Variants in ESRRG observed in about 807,000 individuals in gnomAD.
The protein encoded by ESRRG is estrogen related receptor gamma, also known as estrogen-related receptor gamma.
A neutral mutation model predicts 44.0 loss-of-function variants in ESRRG; 13 were observed. That is an observed-to-expected ratio of 0.30 (90% CI 0.19 to 0.47). The LOEUF is 0.47. Ranked by LOEUF, ESRRG falls within the 20% of genes least tolerant of loss-of-function variation. ESRRG has a pLI of 1.00. For synonymous variants in ESRRG, 215 were observed against 214.6 expected, an observed-to-expected ratio of 1.00 and a Z score of -0.02; for missense variants, 395 against 580.6, an observed-to-expected ratio of 0.68 and a Z score of 3.29.
intron 1 of ESRRG, among the ~76,000 whole-genome samples, chr1:216,952,127 C>T (rs982820433): frequency 2.6e-5 from 4 of 152,128 alleles, no homozygotes; most frequent in Non-Finnish European, 5.9e-5. Flanking sequence ...CCAACACCCC[C>T]ACTGGTCTTT....
intron 2 of ESRRG, among the ~76,000 whole-genome samples, chr1:216,897,293 C>A (rs1331196380): frequency 6.6e-6 from 1 of 152,048 alleles, no homozygotes; most frequent in Non-Finnish European, 1.5e-5. Context: ...CTTAGTTGAC[C>A]TTTTTTGGGT....
chr1:216,852,432 G>C (rs144131372), intron 2 of ESRRG, among the ~76,000 whole-genome samples: 1 of 152,252 alleles, frequency 6.6e-6, no homozygotes, highest in Non-Finnish European at 1.5e-5. Flanking sequence ...AAAGAGCTCT[G>C]ATATAATTGC....
intron 1 of ESRRG, among the ~76,000 whole-genome samples, chr1:216,695,950 C>T (rs1303877192): frequency 6.6e-6 from 1 of 152,064 alleles, no homozygotes; most frequent in East Asian, 1.9e-4. Context: ...ATGAGAACAT[C>T]CTAAAGTGTA....
intron 2 of ESRRG, among the ~76,000 whole-genome samples, chr1:216,740,671 G>T (rs61819768): frequency 0.013 from 1,920 of 151,520 alleles, 19 homozygotes; most frequent in Middle Eastern, 0.027. Flanking sequence ...GAAAGAAATT[G>T]TAACCCTGCC....
At chr1:217,090,126 C>G (rs570059836), upstream of ESRRG, among the ~76,000 whole-genome samples, 1 of 152,064 alleles carries the variant, frequency 6.6e-6, no homozygotes, top group South Asian at 2.1e-4. Context: ...TGTGCATATG[C>G]GTGTGATTTT....
At chr1:216,615,385 C>T (rs1328163460) in intron 3 of ESRRG, among the ~76,000 whole-genome samples, 4 of 152,212 alleles carry the variant, frequency 2.6e-5, no homozygotes, top group African/African-American at 9.6e-5. Context: ...GGAGCTCATT[C>T]TGTAGGTTAG....
chr1:216,805,703 CTCTG>C (rs1211437994), intron 2 of ESRRG, among the ~76,000 whole-genome samples: 1 of 150,592 alleles, frequency 6.6e-6, no homozygotes, highest in Non-Finnish European at 1.5e-5. Context: ...TTTGCTGAAT[CTCTG>C]TCTGTTAGAA....
At chr1:216,917,150 T>C (rs1441872903) in intron 2 of ESRRG, among the ~76,000 whole-genome samples, 1 of 149,486 alleles carries the variant, frequency 6.7e-6, no homozygotes, top group Non-Finnish European at 1.5e-5. Context: ...GCAGCATAAA[T>C]AGACTTTCTT....
rs376743939 is a variant in ESRRG at position 216,677,359 on chromosome 1, G to A, written c.189C>T (p.Asp63=). 1.3e-4 allele frequency: 205 copies of A among 1,614,162 alleles called. No individual in the cohort carries two copies. The highest frequency in any genetic ancestry group is 7.5e-4 in the South Asian group (68 of 91,076). Residue 63 remains aspartate, a synonymous_variant, in exon 2 of 7, where the codon GAC becomes GAT. Coordinates refer to ENST00000408911, the MANE Select transcript of ESRRG (RefSeq NM_001438.4). ...VNHHSPGGSS[D]ASGSYSSTMN... The stretch of plus-strand genomic sequence containing the variant: ...TGGTTGAACTGTAGCTCCCACTGGC[G>A]TCTGAAGAGCCACCAGGGCTGTGGT...
chr1:216,791,263 A>G (rs6604645), intron 2 of ESRRG, among the ~76,000 whole-genome samples: 115,663 of 151,798 alleles, frequency 0.76, 44,555 homozygotes, highest in African/African-American at 0.88. Context: ...GCAAGATCTG[A>G]TCATTTAAAA....
intron 1 of ESRRG, among the ~76,000 whole-genome samples, chr1:217,043,397 T>C (rs553903167): frequency 6.6e-6 from 1 of 152,192 alleles, no homozygotes; most frequent in Non-Finnish European, 1.5e-5. Flanking sequence ...CCTGAAAAGT[T>C]TGTGTCATTT....
intron 1 of ESRRG, among the ~76,000 whole-genome samples, chr1:217,033,687 A>G (rs990858563): frequency 6.6e-6 from 1 of 152,166 alleles, no homozygotes; most frequent in Non-Finnish European, 1.5e-5. Flanking sequence ...AAATCCAAAT[A>G]CCTTACTTTC....
rs544045143 is a variant in ESRRG at position 216,734,972 on chromosome 1, G to A, written c.-13-57481C>T. On this transcript the variant is annotated intron_variant, in intron 2 of 7. Coordinates refer to the ESRRG transcript ENST00000359162. Reference sequence around the variant, plus strand: ...TGCCCAGGCTGGAGTGCAGTGGTGCGATCTTGGCTTACTACAACCTCCGCC... The same window carrying A: ...TGCCCAGGCTGGAGTGCAGTGGTGCAATCTTGGCTTACTACAACCTCCGCC... 9.1e-5 allele frequency among the ~76,000 whole-genome samples: 13 copies of A among 142,664 alleles called. No homozygotes were observed. In the East Asian group the frequency reaches 1.0e-3, roughly 11 times the overall value. 93.6% of individuals were successfully genotyped at this position (142,664 alleles called of 152,430 possible). A position where few individuals can be genotyped will look rare whatever the true frequency, so the allele number is the denominator to read the frequency against.
chr1:216,985,203 G>C (rs943449380), intron 1 of ESRRG, among the ~76,000 whole-genome samples: 7 of 152,178 alleles, frequency 4.6e-5, no homozygotes, highest in Non-Finnish European at 1.0e-4. Context: ...AGGTGTGATA[G>C]GGCAGGAGAT....
intron 2 of ESRRG, among the ~76,000 whole-genome samples, chr1:216,793,271 T>C (rs2094376454): frequency 6.6e-6 from 1 of 152,168 alleles, no homozygotes; most frequent in Non-Finnish European, 1.5e-5. Context: ...TCCTGGTATT[T>C]ATATATTTGC....
chr1:216,825,165 G>A (rs560235042), intron 2 of ESRRG, among the ~76,000 whole-genome samples: 1 of 152,226 alleles, frequency 6.6e-6, no homozygotes, highest in Non-Finnish European at 1.5e-5. Context: ...GGAAATGCAG[G>A]CATCATTACC....
At chr1:216,513,129 T>A (rs527307840) in intron 6 of ESRRG, among the ~76,000 whole-genome samples, 139 of 152,336 alleles carry the variant, frequency 9.1e-4, no homozygotes, top group African/African-American at 3.3e-3. Context: ...CATTTGTCAA[T>A]GTAGCATAAG....
chr1:217,063,365 T>C (rs2088957310), intron 1 of ESRRG, among the ~76,000 whole-genome samples: 1 of 152,204 alleles, frequency 6.6e-6, no homozygotes, highest in African/African-American at 2.4e-5. Context: ...ATTAAGTTAG[T>C]GCAGCAAACT....
intron 1 of ESRRG, among the ~76,000 whole-genome samples, chr1:217,007,966 G>T (rs1425386895): frequency 2.6e-5 from 4 of 152,090 alleles, no homozygotes; most frequent in Non-Finnish European, 5.9e-5. Flanking sequence ...TCTATCAAAG[G>T]GATCCACAGA....
Sources: gnomAD v4.1 joint callset for allele counts (sites outside exome capture counted in the v4.1 genomes callset) on GRCh38, gnomAD v4.1.1 for gene constraint, MANE v1.5 for transcripts, NCBI Gene and HGNC (gene_info 2026-07-23, HGNC 2026-07-21) for gene names.